Variants in AK5 observed in about 807,000 individuals in gnomAD.
AK5 encodes the protein adenylate kinase 5.
In AK5, 27 loss-of-function variants were observed where a neutral mutation model predicts 69.5. The observed-to-expected ratio is 0.39, with a 90% CI of 0.29 to 0.54. The LOEUF (loss-of-function observed/expected upper bound fraction) is 0.54, where lower values mean the gene tolerates loss of function less well. AK5 is among the 20% of genes least tolerant of loss of function. The pLI, the probability that AK5 is intolerant of heterozygous loss-of-function variation, is 0.71. For missense variants in AK5, 531 were observed against 700.4 expected, an observed-to-expected ratio of 0.76 and a Z score of 2.73; for synonymous variants, 260 against 244.4, an observed-to-expected ratio of 1.06 and a Z score of -0.60.
intron 12 of AK5, among the ~76,000 whole-genome samples, chr1:77,526,610 G>C (rs1188867755): frequency 1.3e-5 from 2 of 151,188 alleles, no homozygotes; most frequent in African/African-American, 4.9e-5. Flanking sequence ...CAAGTAGCTG[G>C]GACTACAGGC....
At chr1:77,323,366 GCTT>G (rs1157668667) in intron 5 of AK5, among the ~76,000 whole-genome samples, 2 of 152,098 alleles carry the variant, frequency 1.3e-5, no homozygotes, top group Non-Finnish European at 2.9e-5. Flanking sequence ...CATGTTGTCT[GCTT>G]CTTTTCTGCT....
intron 8 of AK5, among the ~76,000 whole-genome samples, chr1:77,436,637 T>A (rs1651979554): frequency 6.6e-6 from 1 of 151,850 alleles, no homozygotes; most frequent in Non-Finnish European, 1.5e-5. Context: ...TAATTTAACA[T>A]AACTTTAAAA....
intron 8 of AK5, among the ~76,000 whole-genome samples, chr1:77,450,672 C>G (rs1653088651): frequency 1.3e-5 from 2 of 152,192 alleles, no homozygotes; most frequent in South Asian, 4.1e-4. Context: ...CAACAACCTT[C>G]TGCTAACCCC....
chr1:77,402,842 C>G (rs1159712364), intron 6 of AK5, among the ~76,000 whole-genome samples: 10 of 152,166 alleles, frequency 6.6e-5, no homozygotes, highest in Non-Finnish European at 1.2e-4. Flanking sequence ...AATGGTATTT[C>G]TAGTTCTAGA....
At position 77,297,593 on chromosome 1, in the gene AK5, G is replaced by A; in HGVS notation, c.450G>A (p.Leu150=). Residue 150 remains leucine, a synonymous_variant, in exon 4 of 14, where the codon TTG becomes TTA. Transcript: ENST00000354567. Reference sequence around the variant, plus strand: ...GAAGTGGAAAGGGTACTCAGAGTTTGAAAATTGCAGAACGATATGGATTCC... The same window carrying A: ...GAAGTGGAAAGGGTACTCAGAGTTTAAAAATTGCAGAACGATATGGATTCC... ...GPGSGKGTQS[L]KIAERYGFQY... The A allele has an allele frequency of 6.2e-7, 1 of 1,611,840 alleles. No individual in the cohort carries two copies. Among genetic ancestry groups the A allele is most frequent in the Non-Finnish European group, 8.5e-7 (1 of 1,179,336 alleles).
At chr1:77,360,797 A>C (rs1316832271) in intron 6 of AK5, among the ~76,000 whole-genome samples, 1 of 152,186 alleles carries the variant, frequency 6.6e-6, no homozygotes, top group Non-Finnish European at 1.5e-5. Context: ...GAATAGATCA[A>C]AACCAGCAAT....
At chr1:77,333,551 C>A (rs891663220) in intron 5 of AK5, among the ~76,000 whole-genome samples, 2 of 148,346 alleles carry the variant, frequency 1.3e-5, no homozygotes, top group Admixed American at 6.8e-5. Context: ...ATCTCCCCCC[C>A]ACCATGCTAG....
chr1:77,402,990 A>G (rs1183127677), intron 6 of AK5, among the ~76,000 whole-genome samples: 16 of 152,002 alleles, frequency 1.1e-4, no homozygotes, highest in Admixed American at 7.2e-4. Flanking sequence ...TTGCCATTCT[A>G]ACTGGTGTGA....
chr1:77,451,499 T>C (rs563555857), intron 8 of AK5, among the ~76,000 whole-genome samples: 1 of 152,334 alleles, frequency 6.6e-6, no homozygotes, highest in African/African-American at 2.4e-5. Flanking sequence ...AATGCTGCCC[T>C]GGCACATCAT....
chr1:77,422,230 C>A (rs767024831), intron 8 of AK5, among the ~76,000 whole-genome samples: 3 of 152,162 alleles, frequency 2.0e-5, no homozygotes, highest in Non-Finnish European at 4.4e-5. Context: ...TTGGTTCACA[C>A]CCTCAGCCTT....
At chr1:77,524,735 T>C (rs1256052157) in intron 12 of AK5, among the ~76,000 whole-genome samples, 1 of 152,232 alleles carries the variant, frequency 6.6e-6, no homozygotes, top group South Asian at 2.1e-4. Flanking sequence ...GCACAAAAGC[T>C]TTTCATTTTG....
chr1:77,309,401 C>T (rs1181971577), intron 5 of AK5, among the ~76,000 whole-genome samples: 3 of 152,108 alleles, frequency 2.0e-5, no homozygotes, highest in African/African-American at 7.3e-5. Flanking sequence ...ACACGTTCGA[C>T]ATGCTGTACC....
intron 6 of AK5, among the ~76,000 whole-genome samples, chr1:77,376,451 C>CAAA (rs762576175): frequency 1.7e-4 from 7 of 41,032 alleles, no homozygotes; most frequent in African/African-American, 5.4e-4. Context: ...AAAAAAAAAA[C>CAAA]AAAAAAAAAA....
intron 8 of AK5, among the ~76,000 whole-genome samples, chr1:77,424,177 CAAAAGGCAA>C (rs1196580330): frequency 1.3e-5 from 2 of 152,124 alleles, no homozygotes; most frequent in Non-Finnish European, 2.9e-5. Flanking sequence ...CAAGGTATGT[CAAAAGGCAA>C]AAAACATGAT....
chr1:77,425,270 A>C (rs1186660462), intron 8 of AK5, among the ~76,000 whole-genome samples: 1 of 152,210 alleles, frequency 6.6e-6, no homozygotes, highest in Non-Finnish European at 1.5e-5. Flanking sequence ...AGAAATGTTA[A>C]AAGAACTTCT....
chr1:77,312,400 A>G (rs1183534418), intron 5 of AK5, among the ~76,000 whole-genome samples: 3 of 152,080 alleles, frequency 2.0e-5, no homozygotes, highest in Non-Finnish European at 4.4e-5. Flanking sequence ...GGATGACTTG[A>G]GGTCAGGAGT....
At chr1:77,324,599 C>T (rs559713258) in intron 5 of AK5, among the ~76,000 whole-genome samples, 1 of 152,040 alleles carries the variant, frequency 6.6e-6, no homozygotes, top group South Asian at 2.1e-4. Context: ...TGGGGCCACA[C>T]CCCCCAGGAT....
chr1:77,319,800 C>T (rs1019776195), intron 5 of AK5, among the ~76,000 whole-genome samples: 3 of 152,174 alleles, frequency 2.0e-5, no homozygotes, highest in Non-Finnish European at 4.4e-5. Flanking sequence ...AGATACTATT[C>T]TCAGATCCTA....
At chr1:77,493,560 T>C (rs747699884) in intron 10 of AK5, among the ~76,000 whole-genome samples, 12 of 152,054 alleles carry the variant, frequency 7.9e-5, no homozygotes, top group Non-Finnish European at 1.8e-4. Flanking sequence ...CACATACAGC[T>C]GGGATCACCT....
Sources: gnomAD v4.1 joint callset for allele counts (sites outside exome capture counted in the v4.1 genomes callset) on GRCh38, gnomAD v4.1.1 for gene constraint, MANE v1.5 for transcripts, NCBI Gene and HGNC (gene_info 2026-07-23, HGNC 2026-07-21) for gene names.